The following DSG3 variants were observed in gnomAD, a reference collection of about 807,000 sequenced individuals.
The protein encoded by DSG3 is desmoglein 3, also known as desmoglein-3.
In DSG3, 63 loss-of-function variants were observed where a neutral mutation model predicts 85.9. The observed-to-expected ratio is 0.73, with a 90% CI of 0.60 to 0.90. The LOEUF is 0.90. Among genes scored for constraint, DSG3 ranks in the 40% least tolerant of loss-of-function variants. DSG3 has a pLI of 0.00. For synonymous variants in DSG3, 447 were observed against 441.9 expected (o/e 1.01, Z -0.14); for missense variants, 1,220 against 1,219.9 (o/e 1.00, Z 0.00).
At chr18:31,467,701 A>T (rs2072830759) in intron 11 of DSG3, among the ~76,000 whole-genome samples, 1 of 152,202 alleles carries the variant, frequency 6.6e-6, no homozygotes, top group Non-Finnish European at 1.5e-5. Flanking sequence ...CGATGAGACC[A>T]CTTCAAATCC....
At chr18:31,458,915 A>G in intron 4 of DSG3, 118 bp from the exon 5 acceptor site, 1 of 1,293,910 alleles carries the variant, frequency 7.7e-7, no homozygotes, top group East Asian at 2.5e-5. Context: ...CCTTTGGGGA[A>G]ACATTTCTTC....
intron 3 of DSG3, among the ~76,000 whole-genome samples, chr18:31,457,604 CTT>C (rs1159237247): frequency 3.1e-5 from 3 of 96,590 alleles, no homozygotes; most frequent in African/African-American, 1.1e-4. Flanking sequence ...TTCTTTCTTT[CTT>C]TCTTTCTTTC....
Position 31,458,529 on chromosome 18 carries a change from G to A in DSG3, c.301G>A (p.Val101Ile). 1.2e-6 allele frequency: 2 copies of A among 1,613,974 alleles called. No homozygotes were observed. Among genetic ancestry groups the A allele is most frequent in the Non-Finnish European group, 1.7e-6 (2 of 1,179,926 alleles). ...CGATCAGCCGCCTTTTGGAATCTTTGTTGTTGACAAAAACACTGGAGATAT... is the reference window on the plus strand; with the variant it reads ...CGATCAGCCGCCTTTTGGAATCTTTATTGTTGACAAAAACACTGGAGATAT... ...GIDQPPFGIF[V>I]VDKNTGDINI... Residue 101 changes from valine to isoleucine, a missense_variant, in exon 4 of 16, where the codon GTT becomes ATT. Coordinates refer to ENST00000257189, the MANE Select transcript of DSG3 (RefSeq NM_001944.3).
intron 8 of DSG3, among the ~76,000 whole-genome samples, 157 bp downstream of exon 8, chr18:31,461,569 C>T (rs1386519108): frequency 6.6e-6 from 1 of 152,162 alleles, no homozygotes; most frequent in Non-Finnish European, 1.5e-5. Context: ...AGCCGCTTTA[C>T]CTGAGGACAA....
At chr18:31,462,312 T>C (rs2072791927) in intron 8 of DSG3, among the ~76,000 whole-genome samples, 1 of 152,152 alleles carries the variant, frequency 6.6e-6, no homozygotes, top group Non-Finnish European at 1.5e-5. Context: ...TCTCAAGTGA[T>C]CCACCCGCCT....
chr18:31,464,437 T>C, intron 9 of DSG3, 55 bp downstream of exon 9: 1 of 1,514,146 alleles, frequency 6.6e-7, no homozygotes, highest in Non-Finnish European at 8.9e-7. Context: ...ATCTATAAGC[T>C]ATCACAACAT....
intron 2 of DSG3, 46 bp downstream of exon 2, chr18:31,456,521 T>TA (rs369073235): frequency 1.8e-4 from 199 of 1,085,922 alleles, no homozygotes; most frequent in South Asian, 2.3e-4. Context: ...TAGTTTAGTT[T>TA]AAAAAAAAAT....
At chr18:31,457,173 G>A (rs769562010) in intron 3 of DSG3, 49 bp downstream of exon 3, 1 of 1,548,452 alleles carries the variant, frequency 6.5e-7, no homozygotes, top group Admixed American at 2.1e-5. Flanking sequence ...AAATGTATAA[G>A]GTGTAAATTA....
intron 1 of DSG3, among the ~76,000 whole-genome samples, chr18:31,452,230 G>A (rs754534037): frequency 9.9e-5 from 15 of 151,990 alleles, no homozygotes; most frequent in African/African-American, 1.9e-4. Context: ...CATAAAAATG[G>A]CTCTTTTAGG....
At position 31,464,309 on chromosome 18, in the gene DSG3, A is replaced by G; in HGVS notation, c.1198A>G (p.Lys400Glu). The G allele has an allele frequency of 6.2e-7, 1 of 1,614,170 alleles. No individual in the cohort carries two copies. Among genetic ancestry groups the G allele is most frequent in the Non-Finnish European group, 8.5e-7 (1 of 1,180,012 alleles). ...TGTGCAAAAAGGCATAAGTAGCAAA[A>G]AATTGGTGGATTATATCCTGGGAAC... ...FTVQKGISSKKLVDYILGTYQ... is the reference protein window; with the variant it reads ...FTVQKGISSKELVDYILGTYQ... The change falls in exon 9 of 16, where the codon AAA (lysine) becomes GAA (glutamate). Residue 400 changes from lysine (K) to glutamate (E), a missense_variant. Lys to Glu is a moderately conservative substitution (Grantham distance 56). Coordinates refer to ENST00000257189, the MANE Select transcript of DSG3 (RefSeq NM_001944.3).
At chr18:31,455,065 T>C (rs2072734042) in intron 1 of DSG3, among the ~76,000 whole-genome samples, 1 of 151,538 alleles carries the variant, frequency 6.6e-6, no homozygotes, top group Non-Finnish European at 1.5e-5. Flanking sequence ...AGGTACATGC[T>C]CTGGAGTTAG....
intron 13 of DSG3, 106 bp from the exon 14 acceptor site, chr18:31,472,619 T>A: frequency 7.5e-7 from 1 of 1,329,080 alleles, no homozygotes; most frequent in South Asian, 1.3e-5. Context: ...GAATTTGCAC[T>A]TCTTGTAATG....
chr18:31,467,362 C>G (rs1347476076), intron 11 of DSG3, among the ~76,000 whole-genome samples: 2 of 152,124 alleles, frequency 1.3e-5, no homozygotes, highest in East Asian at 3.9e-4. Context: ...AGTCAGGTAT[C>G]TATTTATCAC....
chr18:31,462,372 C>G (rs2072792237), intron 8 of DSG3, among the ~76,000 whole-genome samples: 1 of 152,174 alleles, frequency 6.6e-6, no homozygotes, highest in South Asian at 2.1e-4. Flanking sequence ...GCATCTGGCC[C>G]TTGGTACAGC....
At chr18:31,472,258 T>C (rs2072859752) in intron 12 of DSG3, 26 bp from the exon 13 acceptor site, 4 of 1,613,874 alleles carry the variant, frequency 2.5e-6, no homozygotes, top group Non-Finnish European at 3.4e-6. Flanking sequence ...TCAAGTGTTC[T>C]GATGTTTTGT....
In DSG3 at chr18:31,472,293, T is replaced by A. The variant is rs1305776238; in HGVS notation, c.1907T>A (p.Leu636His). The change falls in exon 13 of 16, where the codon CTT becomes CAT. Residue 636 changes from leucine (L) to histidine (H), a missense_variant. Coordinates refer to ENST00000257189, the MANE Select transcript of DSG3 (RefSeq NM_001944.3). ...LGLLLLLLAP[L>H]LLLTCDCGAG... The stretch of plus-strand genomic sequence containing the variant: ...TTTTGTTTTTCACTAGTGGCCCCCC[T>A]TCTGCTGTTGACCTGTGACTGTGGG... 6.2e-7 allele frequency: 1 copy of A among 1,614,072 alleles called. No individual in the cohort carries two copies. The highest frequency in any genetic ancestry group is 2.2e-5 in the East Asian group (1 of 44,870).
chr18:31,461,451 G>A (rs766483034), intron 8 of DSG3, 39 bp downstream of exon 8: 7 of 1,496,704 alleles, frequency 4.7e-6, no homozygotes, highest in Admixed American at 2.0e-5. Context: ...AAAAAATTCT[G>A]TATTAACCAA....
At chr18:31,460,517 C>T (rs16961963) in intron 6 of DSG3, among the ~76,000 whole-genome samples, 1,632 of 152,208 alleles carry the variant, frequency 0.011, 28 homozygotes, top group African/African-American at 0.037. Context: ...CCGGTCAGAC[C>T]CCATATTATT....
chr18:31,460,541 C>T (rs2072777394), intron 6 of DSG3, among the ~76,000 whole-genome samples: 1 of 152,152 alleles, frequency 6.6e-6, no homozygotes, highest in Non-Finnish European at 1.5e-5. Context: ...GTACAAATGG[C>T]TTTCCCAATA....
Sources: allele counts gnomAD v4.1 joint callset (sites outside exome capture counted in the v4.1 genomes callset), GRCh38; gene constraint gnomAD v4.1.1; transcripts MANE v1.5; gene names NCBI Gene and HGNC (gene_info 2026-07-23, HGNC 2026-07-21).